Variants in CIMAP1D observed in about 807,000 individuals in gnomAD.
CIMAP1D encodes the protein protein CIMAP1D.
chr19:464,097 T>C, the CIMAP1D span: 1 of 1,271,872 alleles, frequency 7.9e-7, no homozygotes, highest in Non-Finnish European at 1.0e-6. Context: ...GCTGTCGTAC[T>C]GGCCCGGGCC....
At chr19:463,451 G>C in the CIMAP1D span, 1 of 275,910 alleles carries the variant, frequency 3.6e-6, no homozygotes, top group African/African-American at 2.3e-5. Context: ...CCTGAGTTTG[G>C]GCTGGGACCG....
chr19:463,959 T>G, the CIMAP1D span: 1 of 1,611,372 alleles, frequency 6.2e-7, no homozygotes, highest in Non-Finnish European at 8.5e-7. Flanking sequence ...AGCCCTGGCT[T>G]TGTTCACGGT....
chr19:482,225 C>G, the CIMAP1D span, among the ~76,000 whole-genome samples: 1 of 152,208 alleles, frequency 6.6e-6, no homozygotes, highest in African/African-American at 2.4e-5. Flanking sequence ...TCTTTTAATG[C>G]TGTCCTCCCA....
At chr19:486,756 T>G in the CIMAP1D span, among the ~76,000 whole-genome samples, 18 of 150,046 alleles carry the variant, frequency 1.2e-4, no homozygotes, top group Non-Finnish European at 2.2e-4. Flanking sequence ...CTACTAAAAA[T>G]ACAAAAAATT....
chr19:480,525 A>AAG, the CIMAP1D span, among the ~76,000 whole-genome samples: 1 of 117,800 alleles, frequency 8.5e-6, no homozygotes, highest in African/African-American at 5.6e-5. Flanking sequence ...GGGAAGGATG[A>AAG]TGGGGAAGGA....
chr19:472,025 C>T, the CIMAP1D span, among the ~76,000 whole-genome samples: 4 of 152,184 alleles, frequency 2.6e-5, no homozygotes, highest in South Asian at 2.1e-4. Flanking sequence ...GGATTTCAGG[C>T]GTGAGCCACC....
chr19:465,166 G>T, the CIMAP1D span, among the ~76,000 whole-genome samples: 2 of 148,592 alleles, frequency 1.3e-5, no homozygotes, highest in Non-Finnish European at 3.0e-5. Flanking sequence ...TGGATGGCTG[G>T]GTGGGTAGAT....
the CIMAP1D span, among the ~76,000 whole-genome samples, chr19:477,603 GAAAA>G: frequency 1.4e-5 from 2 of 147,752 alleles, no homozygotes; most frequent in Admixed American, 1.4e-4. Flanking sequence ...AAAAAAAAGA[GAAAA>G]AAAGAACGCC....
chr19:463,413 A>C, the CIMAP1D span: 1 of 226,382 alleles, frequency 4.4e-6, no homozygotes, highest in Non-Finnish European at 8.6e-6. Flanking sequence ...TGGAGTGGGA[A>C]AGGCACAGGC....
the CIMAP1D span, among the ~76,000 whole-genome samples, chr19:464,587 C>T: frequency 6.6e-6 from 1 of 152,186 alleles, no homozygotes; most frequent in African/African-American, 2.4e-5. Flanking sequence ...CATTTTCCAC[C>T]CCTCCTCCCT....
chr19:477,268 T>G, the CIMAP1D span, among the ~76,000 whole-genome samples: 1 of 152,034 alleles, frequency 6.6e-6, no homozygotes, highest in African/African-American at 2.4e-5. Flanking sequence ...TCCATGAAAT[T>G]GAAAACTGTA....
chr19:478,460 A>G, the CIMAP1D span, among the ~76,000 whole-genome samples: 39 of 112,194 alleles, frequency 3.5e-4, no homozygotes, highest in African/African-American at 2.8e-3. Flanking sequence ...CCAAGCCGAC[A>G]GCATGTTGCT....
At chr19:465,148 TG>T in the CIMAP1D span, among the ~76,000 whole-genome samples, 1 of 92,678 alleles carries the variant, frequency 1.1e-5, no homozygotes, top group Non-Finnish European at 2.1e-5. Flanking sequence ...GATGGATGGG[TG>T]GGTGGGTGGA....
chr19:463,813 C>T, the CIMAP1D span: 1 of 1,589,970 alleles, frequency 6.3e-7, no homozygotes, highest in African/African-American at 1.3e-5. Context: ...CCCGCCAGCC[C>T]CCCGTTCACT....
At chr19:465,872 A>ATGGGTGGGTGGG in the CIMAP1D span, among the ~76,000 whole-genome samples, 1 of 27,930 alleles carries the variant, frequency 3.6e-5, no homozygotes. Flanking sequence ...GGGTGGGTGG[A>ATGGGTGGGTGGG]TGGGTGGGTG....
the CIMAP1D span, among the ~76,000 whole-genome samples, chr19:470,823 G>C: frequency 9.8e-5 from 15 of 152,380 alleles, no homozygotes; most frequent in African/African-American, 3.6e-4. Context: ...CGCCACTGAT[G>C]AACACCAACA....
At chr19:474,952 A>C in the CIMAP1D span, 1 of 429,566 alleles carries the variant, frequency 2.3e-6, no homozygotes, top group Non-Finnish European at 4.1e-6. Flanking sequence ...GGTCGGCCGG[A>C]CACTGGCCTG....
At chr19:488,352 C>T in the CIMAP1D span, among the ~76,000 whole-genome samples, 3 of 150,922 alleles carry the variant, frequency 2.0e-5, no homozygotes, top group South Asian at 4.4e-4. Context: ...GAAACCCCGT[C>T]TCTACTAAAA....
At chr19:474,418 G>A in the CIMAP1D span, among the ~76,000 whole-genome samples, 19 of 152,350 alleles carry the variant, frequency 1.2e-4, no homozygotes, top group Admixed American at 2.6e-4. Flanking sequence ...CGCAGCTTCC[G>A]TTGGACAGAC....
Sources: allele counts gnomAD v4.1 joint callset (sites outside exome capture counted in the v4.1 genomes callset), GRCh38; gene constraint gnomAD v4.1.1; transcripts MANE v1.5; gene names NCBI Gene and HGNC (gene_info 2026-07-23, HGNC 2026-07-21).